Variants in KLHL1 observed in about 807,000 individuals in gnomAD.
The protein encoded by KLHL1 is kelch-like protein 1.
In KLHL1, 47 loss-of-function variants were observed where a neutral mutation model predicts 77.7. The observed-to-expected ratio is 0.60, with a 90% CI of 0.48 to 0.77. KLHL1 has a LOEUF of 0.77. KLHL1 is among the 30% of genes least tolerant of loss of function. The probability of loss-of-function intolerance (pLI) is 0.00; values close to 1 mark genes in which losing one functional copy is unlikely to be tolerated. For synonymous variants in KLHL1, 360 were observed against 325.2 expected, an observed-to-expected ratio of 1.11 and a Z score of -1.15; for missense variants, 925 against 910.8, an observed-to-expected ratio of 1.02 and a Z score of -0.20.
chr13:70,012,863 C>T (rs1177741671), intron 1 of KLHL1, among the ~76,000 whole-genome samples: 1 of 151,178 alleles, frequency 6.6e-6, no homozygotes, highest in East Asian at 1.9e-4. Context: ...AGATCTCGCC[C>T]CTGCACTCCA....
chr13:69,710,683 C>T (rs1875832071), intron 9 of KLHL1, among the ~76,000 whole-genome samples: 1 of 152,146 alleles, frequency 6.6e-6, no homozygotes, highest in Admixed American at 6.6e-5. Flanking sequence ...AATAAGCAAT[C>T]TACAGATGTA....
intron 4 of KLHL1, among the ~76,000 whole-genome samples, chr13:69,890,644 A>ACG (rs1555277877): frequency 2.8e-4 from 41 of 145,432 alleles, no homozygotes; most frequent in African/African-American, 1.1e-3. Flanking sequence ...CCACACACAC[A>ACG]CGCACACACA....
intron 1 of KLHL1, among the ~76,000 whole-genome samples, chr13:70,053,699 T>C (rs1173723510): frequency 1.3e-5 from 2 of 152,134 alleles, no homozygotes; most frequent in Non-Finnish European, 2.9e-5. Flanking sequence ...AGACTGTGTA[T>C]TGGCTACTTG....
chr13:69,997,495 G>T (rs529373268), intron 1 of KLHL1, among the ~76,000 whole-genome samples: 2 of 150,794 alleles, frequency 1.3e-5, no homozygotes, highest in Admixed American at 6.6e-5. Context: ...GGAAACCACC[G>T]CTTTCCTCTG....
chr13:69,708,232 TA>T (rs1875716859), intron 9 of KLHL1, among the ~76,000 whole-genome samples: 1 of 152,016 alleles, frequency 6.6e-6, no homozygotes, highest in South Asian at 2.1e-4. Flanking sequence ...AAGTCTAGCC[TA>T]AATTTGCTAG....
intron 4 of KLHL1, among the ~76,000 whole-genome samples, chr13:69,897,805 T>C (rs528215714): frequency 1.8e-4 from 28 of 152,290 alleles, no homozygotes; most frequent in African/African-American, 6.3e-4. Flanking sequence ...GCCACCCTGT[T>C]GTCCTTTGGG....
intron 1 of KLHL1, among the ~76,000 whole-genome samples, chr13:70,093,429 TA>T (rs1370454533): frequency 6.6e-6 from 1 of 152,132 alleles, no homozygotes; most frequent in Non-Finnish European, 1.5e-5. Flanking sequence ...ATAGTAGTAA[TA>T]AAATAGTAAT....
intron 1 of KLHL1, among the ~76,000 whole-genome samples, chr13:70,029,671 G>A (rs7332894): frequency 0.31 from 46,781 of 152,042 alleles, 8,808 homozygotes; most frequent in South Asian, 0.44. Context: ...AAAGACCATC[G>A]ATGCTAGGAA....
intron 8 of KLHL1, among the ~76,000 whole-genome samples, chr13:69,737,710 G>A (rs1258881920): frequency 2.0e-5 from 3 of 152,142 alleles, no homozygotes; most frequent in African/African-American, 7.2e-5. Context: ...AGCATCCCCA[G>A]CCAGGGATTT....
intron 1 of KLHL1, among the ~76,000 whole-genome samples, chr13:70,056,868 G>T (rs1209113510): frequency 1.8e-4 from 27 of 151,374 alleles, no homozygotes; most frequent in Admixed American, 1.2e-3. Context: ...GCATTTAAAA[G>T]GAAAAAAACA....
chr13:70,070,542 T>TA (rs79998787), intron 1 of KLHL1, among the ~76,000 whole-genome samples: 14 of 151,790 alleles, frequency 9.2e-5, no homozygotes, highest in African/African-American at 2.7e-4. Context: ...TAAGGAAAAA[T>TA]AAAAAAATTC....
At chr13:69,836,315 C>G (rs1386935090) in intron 6 of KLHL1, among the ~76,000 whole-genome samples, 1 of 152,052 alleles carries the variant, frequency 6.6e-6, no homozygotes, top group Non-Finnish European at 1.5e-5. Flanking sequence ...CACTGCTTGT[C>G]TTCTCTGGGC....
chr13:69,823,950 T>G (rs1032208376), intron 6 of KLHL1, among the ~76,000 whole-genome samples: 5 of 152,014 alleles, frequency 3.3e-5, no homozygotes, highest in African/African-American at 7.2e-5. Context: ...CAGTATTAAG[T>G]CACCTTTTGG....
chr13:69,932,629 C>T (rs1231642291), intron 4 of KLHL1, among the ~76,000 whole-genome samples: 1 of 151,730 alleles, frequency 6.6e-6, no homozygotes, highest in Non-Finnish European at 1.5e-5. Context: ...CCTATGACAG[C>T]TCTTAAAAAA....
intron 7 of KLHL1, among the ~76,000 whole-genome samples, chr13:69,751,112 A>ATG (rs56689981): frequency 0.098 from 13,891 of 141,082 alleles, 757 homozygotes; most frequent in East Asian, 0.23. Context: ...TCATGTGTGT[A>ATG]TGTGTGTGTG....
intron 8 of KLHL1, among the ~76,000 whole-genome samples, chr13:69,720,809 G>A (rs181639814): frequency 6.6e-6 from 1 of 151,186 alleles, no homozygotes; most frequent in East Asian, 2.0e-4. Context: ...AGAGGCTGAG[G>A]TGAGAGTGGT....
chr13:69,862,630 G>A (rs1361401489), intron 5 of KLHL1, among the ~76,000 whole-genome samples: 1 of 152,038 alleles, frequency 6.6e-6, no homozygotes. Flanking sequence ...ATATGTTGAA[G>A]CGTTAACCTC....
intron 7 of KLHL1, among the ~76,000 whole-genome samples, chr13:69,795,527 C>T (rs1292202667): frequency 2.0e-5 from 3 of 152,196 alleles, no homozygotes; most frequent in Admixed American, 6.5e-5. Flanking sequence ...TTACAATCCT[C>T]ATAAGACAAA....
intron 4 of KLHL1, among the ~76,000 whole-genome samples, chr13:69,913,594 T>C (rs1438602137): frequency 6.6e-6 from 1 of 152,216 alleles, no homozygotes; most frequent in African/African-American, 2.4e-5. Flanking sequence ...TTCATATATT[T>C]TGGAAAATAT....
Sources: allele counts gnomAD v4.1 joint callset (sites outside exome capture counted in the v4.1 genomes callset), GRCh38; gene constraint gnomAD v4.1.1; transcripts MANE v1.5; gene names NCBI Gene and HGNC (gene_info 2026-07-23, HGNC 2026-07-21).